The following CRACR2A variants were observed in gnomAD, a reference collection of about 807,000 sequenced individuals.
CRACR2A encodes the protein EF-hand calcium-binding domain-containing protein 4B.
A neutral mutation model predicts 90.5 loss-of-function variants in CRACR2A; 79 were observed. The ratio of observed to expected loss-of-function variants is 0.87; its 90% CI spans 0.73 to 1.05. The LOEUF is 1.05. CRACR2A is among the 50% of genes least tolerant of loss of function. The pLI is 0.00. For synonymous variants in CRACR2A, 338 were observed against 356.7 expected (o/e 0.95, Z 0.59); for missense variants, 823 against 897.2 (o/e 0.92, Z 1.06).
chr12:3,622,014 G>A (rs1282595680), intron 17 of CRACR2A, among the ~76,000 whole-genome samples: 2 of 152,156 alleles, frequency 1.3e-5, no homozygotes, highest in Non-Finnish European at 2.9e-5. Flanking sequence ...ATTGGGGTAG[G>A]TGTCTCATGG....
intron 12 of CRACR2A, among the ~76,000 whole-genome samples, chr12:3,642,918 C>T (rs1317762384): frequency 1.3e-5 from 2 of 152,156 alleles, no homozygotes; most frequent in Non-Finnish European, 2.9e-5. Context: ...GCTCCCAGAG[C>T]CCCTGAAGGT....
At chr12:3,651,783 C>T (rs1026125884) in intron 10 of CRACR2A, among the ~76,000 whole-genome samples, 3 of 152,092 alleles carry the variant, frequency 2.0e-5, no homozygotes, top group Non-Finnish European at 4.4e-5. Flanking sequence ...CCTTGTTATC[C>T]GGCACTAGCT....
At chr12:3,752,118 C>A (rs1260990290) in intron 1 of CRACR2A, among the ~76,000 whole-genome samples, 2 of 152,190 alleles carry the variant, frequency 1.3e-5, no homozygotes, top group African/African-American at 4.8e-5. Flanking sequence ...CTCTGACCAC[C>A]CTGGGGACTC....
intron 6 of CRACR2A, among the ~76,000 whole-genome samples, chr12:3,678,248 T>C (rs10848909): frequency 0.18 from 27,812 of 152,248 alleles, 2,968 homozygotes; most frequent in East Asian, 0.32. Context: ...TCCCTGTGTC[T>C]ATTCCAAAGC....
chr12:3,734,629 A>ATATG (rs1555121535), intron 1 of CRACR2A, among the ~76,000 whole-genome samples: 2 of 149,502 alleles, frequency 1.3e-5, no homozygotes, highest in African/African-American at 2.5e-5. Flanking sequence ...AGGTGTGTGT[A>ATATG]TGTGTGTGTG....
chr12:3,621,429 G>A (rs1420577760), intron 17 of CRACR2A, among the ~76,000 whole-genome samples: 1 of 148,538 alleles, frequency 6.7e-6, no homozygotes, highest in Non-Finnish European at 1.5e-5. Flanking sequence ...CGAGGTGGGT[G>A]GATCATGAGG....
At position 3,688,013 on chromosome 12, in the gene CRACR2A, T is replaced by C. The variant is rs193052124; in HGVS notation, c.229-7664A>G. On this transcript the variant is annotated intron_variant, in intron 4 of 19. Coordinates refer to ENST00000440314, the MANE Select transcript of CRACR2A (RefSeq NM_001144958.2). ...TTTTGAAAAGTTTCTATTCATGTCTTTTGCCCACTTTTTTATGGGATTGCT... is the reference window on the plus strand; with the variant it reads ...TTTTGAAAAGTTTCTATTCATGTCTCTTGCCCACTTTTTTATGGGATTGCT... Among the ~76,000 whole-genome samples the C allele has an allele frequency of 1.0e-3, 158 of 152,342 alleles. 1 individual carries two copies. The highest frequency in any genetic ancestry group is 3.1e-3 in the African/African-American group (130 of 41,572).
rs111264767 is a variant in CRACR2A, at chr12:3,633,719, A to G, written c.1620T>C (p.Ser540=). ...CAATCTTGAAGAGCCGGTCAGGGGCAGAGGGAGAGCTTTCCTCCTGTGGAT... is the reference window on the plus strand; with the variant it reads ...CAATCTTGAAGAGCCGGTCAGGGGCGGAGGGAGAGCTTTCCTCCTGTGGAT... The part of the protein sequence containing the change: ...EALCKEESSP[S]APDRLFKIVF... The change falls in exon 15 of 20, where the codon TCT becomes TCC. Residue 540 remains serine (S), a synonymous_variant. Transcript: ENST00000440314. This position sits in a 1 kb window ranked among gnomAD's most constrained non-coding sequence, Gnocchi z 4.5. 5 of 1,551,606 alleles carry G rather than the reference A, an allele frequency of 3.2e-6. No homozygotes were observed. The African/African-American group carries it at 6.8e-5, about 21-fold the overall frequency.
Position 3,659,509 on chromosome 12 carries a change from C to G in CRACR2A, c.762+55G>C. On this transcript the variant is annotated intron_variant, in intron 8 of 19. Coordinates refer to ENST00000440314, the MANE Select transcript of CRACR2A (RefSeq NM_001144958.2). ...ACCAAAATCTTAAACCTGGGGGAGA[C>G]AGAGCAGATATGTCAAGCTGGCCTC... is the stretch of plus-strand genomic sequence containing the variant. 2.6e-6 allele frequency: 4 copies of G among 1,515,890 alleles called. No homozygotes were observed. In the South Asian group the frequency reaches 4.5e-5, roughly 17 times the overall value. 93.9% of individuals were successfully genotyped at this position (1,515,890 alleles called of 1,614,324 possible).
Position 3,673,559 on chromosome 12 carries a change from C to T in CRACR2A, c.558G>A (p.Leu186=). 1.2e-6 allele frequency: 2 copies of T among 1,613,930 alleles called. No individual in the cohort carries two copies. The highest frequency in any genetic ancestry group is 1.3e-5 in the African/African-American group (1 of 75,036). ...ESDVKQLWLQ[L]KKEEPHLLSN... Reference sequence around the variant, plus strand: ...ACAGTAAATGAGGTTCCTCCTTCTTCAGCTGCAACCAGAGCTGCTTGACAT... The same window carrying T: ...ACAGTAAATGAGGTTCCTCCTTCTTTAGCTGCAACCAGAGCTGCTTGACAT... The change falls in exon 7 of 20, where the codon CTG becomes CTA. Residue 186 remains leucine (L), a synonymous_variant. Coordinates refer to ENST00000440314, the MANE Select transcript of CRACR2A (RefSeq NM_001144958.2).
At chr12:3,713,701 C>G (rs551739007) in intron 2 of CRACR2A, among the ~76,000 whole-genome samples, 1 of 152,188 alleles carries the variant, frequency 6.6e-6, no homozygotes, top group Non-Finnish European at 1.5e-5. Flanking sequence ...GTCTACACCA[C>G]AGGAGCTCAC....
chr12:3,724,091 AC>A, intron 2 of CRACR2A, among the ~76,000 whole-genome samples: 1 of 152,220 alleles, frequency 6.6e-6, no homozygotes, highest in African/African-American at 2.4e-5. Context: ...GGCCCCCAGC[AC>A]CCGGCCCTAG....
At position 3,694,859 on chromosome 12, in the gene CRACR2A, G is replaced by C. The variant is rs147283057; in HGVS notation, c.228+1913C>G. On this transcript the variant is annotated intron_variant, in intron 4 of 19. Transcript: ENST00000440314. ...ACTTCAGAAAATTAAGTAGACAGCAGAAATAAATGCTGTGGATGCCAAGTT... is the reference window on the plus strand; with the variant it reads ...ACTTCAGAAAATTAAGTAGACAGCACAAATAAATGCTGTGGATGCCAAGTT... Among the ~76,000 whole-genome samples, 160 of 152,326 alleles carry C rather than the reference G, an allele frequency of 1.1e-3. 2 individuals are homozygous for C. The highest frequency in any genetic ancestry group is 3.5e-3 in the African/African-American group (144 of 41,566).
intron 19 of CRACR2A, among the ~76,000 whole-genome samples, chr12:3,616,393 G>A (rs1867682807): frequency 1.3e-5 from 2 of 152,204 alleles, no homozygotes; most frequent in South Asian, 4.1e-4. Flanking sequence ...TCCCAGCATG[G>A]TTTTGTTGTT....
chr12:3,742,111 C>T lies in CRACR2A; in HGVS notation c.-386-8901G>A, dbSNP rs1449543768. ...GCTGGACTAACCACCGTTACCCAGG[C>T]CTAGGACATGGGCAAATCATGAACA... On this transcript the variant is annotated intron_variant, in intron 1 of 19. Transcript: ENST00000440314. Among the ~76,000 whole-genome samples the T allele has an allele frequency of 4.6e-5, 7 of 152,302 alleles. No homozygotes were observed. In the East Asian group the frequency reaches 1.4e-3, roughly 29 times the overall value.
chr12:3,700,466 C>T (rs529271952), intron 3 of CRACR2A, among the ~76,000 whole-genome samples: 1 of 152,142 alleles, frequency 6.6e-6, no homozygotes, highest in East Asian at 1.9e-4. Context: ...CTATATCCTG[C>T]CTACAAGAAA....
At chr12:3,718,937 T>C (rs1034248171) in intron 2 of CRACR2A, among the ~76,000 whole-genome samples, 1 of 152,154 alleles carries the variant, frequency 6.6e-6, no homozygotes, top group Admixed American at 6.5e-5. Flanking sequence ...CAGGAACAAC[T>C]CCTGGACTCC....
chr12:3,620,733 C>A (rs1331983528), intron 17 of CRACR2A, among the ~76,000 whole-genome samples: 1 of 152,170 alleles, frequency 6.6e-6, no homozygotes, highest in Admixed American at 6.5e-5. Flanking sequence ...TTAACTGGAA[C>A]CCTCTAAAAA....
At chr12:3,692,662 G>T (rs1186210635) in intron 4 of CRACR2A, among the ~76,000 whole-genome samples, 1 of 152,178 alleles carries the variant, frequency 6.6e-6, no homozygotes, top group African/African-American at 2.4e-5. Context: ...GCAGCAGCAT[G>T]GTGGGGTGCA....
Sources: gnomAD v4.1 joint callset for allele counts (sites outside exome capture counted in the v4.1 genomes callset) on GRCh38, gnomAD v4.1.1 for gene constraint, Gnocchi (gnomAD v3.1) non-coding constraint, MANE v1.5 for transcripts, NCBI Gene and HGNC (gene_info 2026-07-23, HGNC 2026-07-21) for gene names.